FHIT: variants seen among roughly 807,000 people sequenced by gnomAD.
FHIT encodes fragile histidine triad diadenosine triphosphatase, also known as bis(5'-adenosyl)-triphosphatase.
Under a neutral mutation model 17.9 loss-of-function variants are expected in FHIT, and 19 were observed. The observed-to-expected ratio is 1.06, with a 90% CI of 0.74 to 1.56. The LOEUF (loss-of-function observed/expected upper bound fraction) is 1.56, where lower values mean the gene tolerates loss of function less well. Among genes scored for constraint, FHIT ranks in the 40% most tolerant of loss-of-function variants. The probability of loss-of-function intolerance (pLI) is 0.00; values close to 1 mark genes in which losing one functional copy is unlikely to be tolerated. For synonymous variants in FHIT, 81 were observed against 69.7 expected (o/e 1.16, Z -0.81); for missense variants, 248 against 189.2 (o/e 1.31, Z -1.82).
At chr3:61,235,201 CTAT>C (rs1323412503) in intron 1 of FHIT, among the ~76,000 whole-genome samples, 1 of 152,176 alleles carries the variant, frequency 6.6e-6, no homozygotes, top group African/African-American at 2.4e-5. Context: ...AGGACATTAG[CTAT>C]TAGAGCTCAA....
chr3:60,607,624 G>A (rs1371278962), intron 4 of FHIT, among the ~76,000 whole-genome samples: 4 of 151,960 alleles, frequency 2.6e-5, no homozygotes, highest in African/African-American at 9.7e-5. Flanking sequence ...CACCACATGC[G>A]TGATAGATGT....
At chr3:61,230,958 G>T (rs1227184375) in intron 1 of FHIT, among the ~76,000 whole-genome samples, 1 of 152,072 alleles carries the variant, frequency 6.6e-6, no homozygotes, top group Non-Finnish European at 1.5e-5. Flanking sequence ...TCAAGTTCAA[G>T]AATAAGAAGT....
At chr3:61,196,112 G>C (rs67933731) in intron 2 of FHIT, among the ~76,000 whole-genome samples, 29,641 of 151,990 alleles carry the variant, frequency 0.2, 3,028 homozygotes, top group South Asian at 0.29. Context: ...GAGAGCTATT[G>C]CTAAAATTGA....
At chr3:61,097,136 C>T (rs116001229) in intron 2 of FHIT, among the ~76,000 whole-genome samples, 15,576 of 150,756 alleles carry the variant, frequency 0.1, 921 homozygotes, top group South Asian at 0.19. Flanking sequence ...ATAGGAACAG[C>T]TCCAGTCTGT....
At position 60,114,001 on chromosome 3, in the gene FHIT, C is replaced by CAA. The variant is rs1559644017; in HGVS notation, c.104-99850_104-99849insTT. Among the ~76,000 whole-genome samples, 27 of 17,916 alleles carry CAA rather than the reference C, an allele frequency of 1.5e-3. 12 individuals carry two copies. Among genetic ancestry groups the CAA allele is most frequent in the South Asian group, 9.3e-3 (2 of 214 alleles). 11.8% of individuals were successfully genotyped at this position (17,916 alleles called of 152,430 possible). Reference sequence around the variant, plus strand: ...TGGGCAATAGAACAAGACCCCGTCTCCAAAAAAAAAAAAAAAAAAAAAAAA... The same window carrying CAA: ...TGGGCAATAGAACAAGACCCCGTCTCAACAAAAAAAAAAAAAAAAAAAAAAAA... On this transcript the variant is annotated intron_variant, in intron 5 of 9. Transcript: ENST00000492590.
chr3:61,170,383 C>T (rs1189369650), intron 2 of FHIT, among the ~76,000 whole-genome samples: 1 of 151,726 alleles, frequency 6.6e-6, no homozygotes, highest in Non-Finnish European at 1.5e-5. Flanking sequence ...TTATTTTAAC[C>T]TTTATTTTAA....
intron 5 of FHIT, among the ~76,000 whole-genome samples, chr3:60,317,370 A>G (rs888416218): frequency 6.6e-6 from 1 of 151,722 alleles, no homozygotes; most frequent in African/African-American, 2.4e-5. Flanking sequence ...CAGTAAAATA[A>G]AACAATCCCT....
chr3:60,103,670 C>G (rs530479095), intron 5 of FHIT, among the ~76,000 whole-genome samples: 1 of 152,234 alleles, frequency 6.6e-6, no homozygotes, highest in South Asian at 2.1e-4. Context: ...GCAGCCCTCC[C>G]AAAAGAATCT....
chr3:60,406,629 G>A (rs1415734509), intron 5 of FHIT, among the ~76,000 whole-genome samples: 2 of 136,440 alleles, frequency 1.5e-5, no homozygotes, highest in Admixed American at 8.3e-5. Context: ...TCATTTGAAA[G>A]TTGTTGTCAG....
intron 4 of FHIT, among the ~76,000 whole-genome samples, chr3:60,672,982 C>T (rs1276681917): frequency 1.3e-5 from 2 of 150,568 alleles, no homozygotes; most frequent in Non-Finnish European, 3.0e-5. Context: ...TATACTATCT[C>T]ATGTAAAATA....
At chr3:60,012,579 T>C (rs912283826) in intron 6 of FHIT, among the ~76,000 whole-genome samples, 6 of 152,098 alleles carry the variant, frequency 3.9e-5, no homozygotes, top group African/African-American at 1.2e-4. Flanking sequence ...AGAAATCAGA[T>C]CTTAATAGAA....
At chr3:60,165,937 A>G (rs2107383274) in intron 5 of FHIT, among the ~76,000 whole-genome samples, 1 of 152,252 alleles carries the variant, frequency 6.6e-6, no homozygotes, top group East Asian at 1.9e-4. Context: ...TTCACCGGAC[A>G]TCTATGGCAT....
In FHIT at chr3:60,059,775, TC is replaced by T. The variant is rs552180351; in HGVS notation, c.104-45624del. ...TTCATGAATGAGGGCTGCCTAGAGC[TC>T]CCCCCATTCTTGTTGGGTCTCCCCT... On this transcript the variant is annotated intron_variant, in intron 5 of 9. Coordinates refer to ENST00000492590, the MANE Select transcript of FHIT (RefSeq NM_002012.4). Among the ~76,000 whole-genome samples the T allele has an allele frequency of 2.1e-3, 324 of 152,068 alleles. 1 individual carries two copies. The highest frequency in any genetic ancestry group is 7.3e-3 in the African/African-American group (301 of 41,500).
intron 7 of FHIT, among the ~76,000 whole-genome samples, chr3:59,923,408 G>A (rs1351042981): frequency 2.0e-5 from 3 of 151,926 alleles, no homozygotes; most frequent in African/African-American, 4.8e-5. Flanking sequence ...CTGATTCTGC[G>A]AACTTAATCT....
intron 4 of FHIT, among the ~76,000 whole-genome samples, chr3:60,793,759 T>C (rs1553729323): frequency 6.6e-6 from 1 of 152,178 alleles, no homozygotes; most frequent in Non-Finnish European, 1.5e-5. Context: ...GAAACTGGGC[T>C]TTCACTCTCA....
intron 3 of FHIT, among the ~76,000 whole-genome samples, chr3:61,028,229 G>A (rs1268460572): frequency 2.0e-5 from 3 of 152,178 alleles, no homozygotes; most frequent in African/African-American, 2.4e-5. Flanking sequence ...CTATGGAAAC[G>A]CAACTTAGGG....
chr3:60,824,909 T>C (rs1702060884), intron 3 of FHIT, among the ~76,000 whole-genome samples: 1 of 152,206 alleles, frequency 6.6e-6, no homozygotes, highest in Non-Finnish European at 1.5e-5. Context: ...TGTTGTAAAT[T>C]GCCCAATCTC....
At chr3:59,826,315 T>G (rs541960) in intron 8 of FHIT, among the ~76,000 whole-genome samples, 3 of 152,202 alleles carry the variant, frequency 2.0e-5, no homozygotes, top group African/African-American at 7.2e-5. Context: ...TTCACCATGT[T>G]GGATCACCCT....
At chr3:60,927,839 A>G (rs2107348765) in intron 3 of FHIT, among the ~76,000 whole-genome samples, 1 of 152,384 alleles carries the variant, frequency 6.6e-6, no homozygotes, top group African/African-American at 2.4e-5. Context: ...ACAGGCCATG[A>G]CGATGATGGC....
Sources: allele counts gnomAD v4.1 joint callset (sites outside exome capture counted in the v4.1 genomes callset), GRCh38; gene constraint gnomAD v4.1.1; transcripts MANE v1.5; gene names NCBI Gene and HGNC (gene_info 2026-07-23, HGNC 2026-07-21).